The following ULK4 variants were observed in gnomAD, a reference collection of about 807,000 sequenced individuals.
ULK4 encodes the protein inactive serine/threonine-protein kinase ULK4.
Under a neutral mutation model 160.6 loss-of-function variants are expected in ULK4, and 133 were observed. That is an observed-to-expected ratio of 0.83 (90% CI 0.72 to 0.96). ULK4 has a LOEUF of 0.96. Among genes scored for constraint, ULK4 ranks in the 40% least tolerant of loss-of-function variants. The pLI, the probability that ULK4 is intolerant of heterozygous loss-of-function variation, is 0.00. For synonymous variants in ULK4, 534 were observed against 539.8 expected (o/e 0.99, Z 0.15); for missense variants, 1,580 against 1,499.5 (o/e 1.05, Z -0.89).
chr3:41,621,455 A>G (rs2033241681), intron 30 of ULK4, among the ~76,000 whole-genome samples: 2 of 152,220 alleles, frequency 1.3e-5, no homozygotes, highest in South Asian at 4.1e-4. Flanking sequence ...CTCAGAAATA[A>G]CATCACCCAT....
chr3:41,941,353 A>AAAC (rs1376826107), intron 2 of ULK4, among the ~76,000 whole-genome samples: 4 of 151,036 alleles, frequency 2.6e-5, no homozygotes, highest in South Asian at 2.1e-4. Context: ...AAAAAAAAAA[A>AAAC]AACCTTTTTT....
At chr3:41,509,905 A>G (rs977913872) in intron 32 of ULK4, among the ~76,000 whole-genome samples, 4 of 152,210 alleles carry the variant, frequency 2.6e-5, no homozygotes, top group African/African-American at 9.7e-5. Flanking sequence ...CTATATAACA[A>G]TAATACAATG....
rs1244237662 is a variant in ULK4, at chr3:41,299,009, A to G, written c.3679-49435T>C. 2.0e-5 allele frequency among the ~76,000 whole-genome samples: 3 copies of G among 152,178 alleles called. No homozygotes were observed. In the East Asian group the frequency reaches 5.8e-4, roughly 29 times the overall value. The stretch of plus-strand genomic sequence containing the variant: ...TCTCCCAGCATCCACACCTCTGACA[A>G]TGCAACACTGCAGCTCCTCCCATCA... On this transcript the variant is annotated intron_variant, in intron 35 of 36. Transcript: ENST00000301831.
At chr3:41,317,061 C>CTTTTTTTTTTTTTT (rs1170201981) in intron 35 of ULK4, among the ~76,000 whole-genome samples, 1 of 92,138 alleles carries the variant, frequency 1.1e-5, no homozygotes, top group Non-Finnish European at 2.2e-5. Flanking sequence ...GCAATTACAT[C>CTTTTTTTTTTTTTT]TATTTTTTTT....
intron 21 of ULK4, among the ~76,000 whole-genome samples, chr3:41,775,399 C>CTT (rs544345466): frequency 0.12 from 17,115 of 138,772 alleles, 1,351 homozygotes; most frequent in Middle Eastern, 0.25. Flanking sequence ...GTGACAACTC[C>CTT]TTTTTTTTTT....
chr3:41,913,991 G>A lies in ULK4; in HGVS notation c.804-1092C>T, dbSNP rs369012201. 1.1e-4 allele frequency among the ~76,000 whole-genome samples: 17 copies of A among 152,186 alleles called. No individual in the cohort carries two copies. In the East Asian group the frequency reaches 2.5e-3, roughly 23 times the overall value. ...GAGGGGGTGCGGCGGTGGGAGGAAA[G>A]AATATCAGCTTCATAACCATATACA... On this transcript the variant is annotated intron_variant, in intron 8 of 36. Transcript: ENST00000301831.
chr3:41,826,115 A>AT lies in ULK4; in HGVS notation c.1765-6610dup, dbSNP rs1468313865. On this transcript the variant is annotated intron_variant, in intron 18 of 36. Transcript: ENST00000301831. ...TTTACAGACAAACAAATTTTGACAGATTTTGACACCACCAGGCCTGCCCTA... is the reference window on the plus strand; with the variant it reads ...TTTACAGACAAACAAATTTTGACAGATTTTTGACACCACCAGGCCTGCCCTA... Among the ~76,000 whole-genome samples the AT allele has an allele frequency of 7.2e-5, 11 of 152,308 alleles. No homozygotes were observed. In the Middle Eastern group the frequency reaches 0.01, roughly 142 times the overall value.
Position 41,915,964 on chromosome 3 carries a change from C to T in ULK4, c.803+13G>A. ...AAAAGAAAAAGAAAAAAAGATCGAA[C>T]TACTGTCCCTACCTTTTCTGAGGAT... On this transcript the variant is annotated intron_variant, in intron 8 of 36. Coordinates refer to ENST00000301831, the MANE Select transcript of ULK4 (RefSeq NM_017886.4). 1.3e-6 allele frequency: 2 copies of T among 1,562,302 alleles called. No individual in the cohort carries two copies. Among genetic ancestry groups the T allele is most frequent in the Non-Finnish European group, 1.7e-6 (2 of 1,153,880 alleles).
At chr3:41,692,240 C>T (rs1053188323) in intron 27 of ULK4, among the ~76,000 whole-genome samples, 3 of 148,508 alleles carry the variant, frequency 2.0e-5, no homozygotes, top group Non-Finnish European at 4.6e-5. Context: ...CGTGAGCCAC[C>T]GCGCCGGCCC....
At chr3:41,420,480 T>C (rs1326235598) in intron 34 of ULK4, among the ~76,000 whole-genome samples, 11 of 116,166 alleles carry the variant, frequency 9.5e-5, no homozygotes, top group South Asian at 3.0e-4. Context: ...TCTTTCTTTT[T>C]TTTTTTTTTT....
intron 35 of ULK4, among the ~76,000 whole-genome samples, chr3:41,353,506 A>AT (rs1343836142): frequency 6.6e-6 from 1 of 151,780 alleles, no homozygotes; most frequent in Non-Finnish European, 1.5e-5. Context: ...TTCTACAAAA[A>AT]TTTTTTTAAA....
intron 30 of ULK4, among the ~76,000 whole-genome samples, chr3:41,634,052 C>A (rs144356491): frequency 1.3e-5 from 2 of 152,192 alleles, no homozygotes; most frequent in African/African-American, 4.8e-5. Flanking sequence ...TGTTCCAATG[C>A]CAGAGTCACT....
intron 30 of ULK4, among the ~76,000 whole-genome samples, chr3:41,643,507 T>A (rs1156615536): frequency 1.3e-5 from 2 of 152,202 alleles, no homozygotes; most frequent in Non-Finnish European, 2.9e-5. Flanking sequence ...GTTGAAGATA[T>A]GCGGCATTAT....
intron 20 of ULK4, among the ~76,000 whole-genome samples, chr3:41,794,960 G>A (rs2040261438): frequency 1.3e-5 from 2 of 152,064 alleles, no homozygotes; most frequent in Admixed American, 1.3e-4. Context: ...GAGGGAAGGA[G>A]TGTTACAAGA....
intron 35 of ULK4, among the ~76,000 whole-genome samples, chr3:41,287,720 A>C (rs2125700070): frequency 6.6e-6 from 1 of 152,322 alleles, no homozygotes; most frequent in South Asian, 2.1e-4. Context: ...ATTTCCTCTC[A>C]ACCAAGTACT....
intron 27 of ULK4, among the ~76,000 whole-genome samples, chr3:41,684,575 T>C (rs920250965): frequency 6.6e-6 from 1 of 152,194 alleles, no homozygotes; most frequent in Non-Finnish European, 1.5e-5. Flanking sequence ...CACACGTTCT[T>C]TGTCCCAAAC....
chr3:41,345,231 C>T (rs2080775682), intron 35 of ULK4, among the ~76,000 whole-genome samples: 2 of 152,154 alleles, frequency 1.3e-5, no homozygotes, highest in Non-Finnish European at 2.9e-5. Flanking sequence ...CCTCAAAGAC[C>T]TAGAGGCAGA....
intron 35 of ULK4, among the ~76,000 whole-genome samples, chr3:41,291,023 A>C (rs1415421682): frequency 6.6e-6 from 1 of 152,160 alleles, no homozygotes; most frequent in Non-Finnish European, 1.5e-5. Flanking sequence ...CCTCCTGAGA[A>C]TTCAGTGGTA....
At chr3:41,448,610 C>T (rs2083357619) in intron 34 of ULK4, among the ~76,000 whole-genome samples, 1 of 152,140 alleles carries the variant, frequency 6.6e-6, no homozygotes, top group Non-Finnish European at 1.5e-5. Flanking sequence ...CAAGAACAGG[C>T]AGAGAATCCA....
Sources: allele counts gnomAD v4.1 joint callset (sites outside exome capture counted in the v4.1 genomes callset), GRCh38; gene constraint gnomAD v4.1.1; transcripts MANE v1.5; gene names NCBI Gene and HGNC (gene_info 2026-07-23, HGNC 2026-07-21).